Variants in CCDC73 observed in about 807,000 individuals in gnomAD.
CCDC73 encodes the protein coiled-coil domain containing 73, also known as coiled-coil domain-containing protein 73.
A neutral mutation model predicts 116.5 loss-of-function variants in CCDC73; 95 were observed. The observed-to-expected ratio is 0.82, with a 90% CI of 0.69 to 0.97. The LOEUF is 0.97. CCDC73 is among the 50% of genes least tolerant of loss of function. The pLI, the probability that CCDC73 is intolerant of heterozygous loss-of-function variation, is 0.00. For synonymous variants in CCDC73, 398 were observed against 401.3 expected (o/e 0.99, Z 0.10); for missense variants, 1,066 against 1,206.8 (o/e 0.88, Z 1.73).
chr11:32,661,100 G>A (rs1381513569), intron 9 of CCDC73, among the ~76,000 whole-genome samples: 2 of 152,140 alleles, frequency 1.3e-5, no homozygotes, highest in African/African-American at 4.8e-5. Flanking sequence ...TCTGGTTGGA[G>A]AAAGGGGAAG....
chr11:32,705,184 G>A (rs1849845404), intron 3 of CCDC73, among the ~76,000 whole-genome samples: 1 of 152,228 alleles, frequency 6.6e-6, no homozygotes, highest in Non-Finnish European at 1.5e-5. Flanking sequence ...AGGGCAGCAG[G>A]ACTGAAATAG....
In CCDC73 at chr11:32,792,318, G is replaced by A. The variant is rs142487130; in HGVS notation, c.-16+2295C>T. 1.3e-4 allele frequency among the ~76,000 whole-genome samples: 20 copies of A among 152,008 alleles called. No homozygotes were observed. In the East Asian group the frequency reaches 2.9e-3, roughly 22 times the overall value. On this transcript the variant is annotated intron_variant, in intron 1 of 17. Transcript: ENST00000335185. ...AAAAAATAAAATAAAAAACATAAGT[G>A]TACACTGCTTATGGTAAAGGTAAGT...
intron 2 of CCDC73, among the ~76,000 whole-genome samples, chr11:32,739,380 G>A (rs1850163571): frequency 6.6e-6 from 1 of 151,942 alleles, no homozygotes; most frequent in Non-Finnish European, 1.5e-5. Context: ...TTTCACCAAT[G>A]TTTTATAGTT....
chr11:32,759,197 T>G (rs1398197395), intron 2 of CCDC73, among the ~76,000 whole-genome samples: 1 of 152,020 alleles, frequency 6.6e-6, no homozygotes, highest in Non-Finnish European at 1.5e-5. Context: ...TTTTTTTCTC[T>G]CGAGAATCTT....
chr11:32,655,474 AGAC>A, intron 9 of CCDC73, among the ~76,000 whole-genome samples: 1 of 152,366 alleles, frequency 6.6e-6, no homozygotes, highest in Non-Finnish European at 1.5e-5. Flanking sequence ...TTTGCAAAGA[AGAC>A]AACAAAGGGG....
intron 12 of CCDC73, among the ~76,000 whole-genome samples, chr11:32,650,907 A>G (rs1229386685): frequency 6.6e-6 from 1 of 152,226 alleles, no homozygotes; most frequent in Non-Finnish European, 1.5e-5. Flanking sequence ...TAAAGGTACT[A>G]AAATATACAA....
At chr11:32,751,212 T>C (rs1041168294) in intron 2 of CCDC73, among the ~76,000 whole-genome samples, 1 of 152,094 alleles carries the variant, frequency 6.6e-6, no homozygotes, top group Non-Finnish European at 1.5e-5. Flanking sequence ...CTCTTACCTC[T>C]TCCCTCTCCT....
chr11:32,804,266 G>A, the CCDC73 span, among the ~76,000 whole-genome samples: 1 of 152,092 alleles, frequency 6.6e-6, no homozygotes, highest in Non-Finnish European at 1.5e-5. Flanking sequence ...AGCCTCCCGA[G>A]TAGCTGGGAC....
intron 2 of CCDC73, among the ~76,000 whole-genome samples, chr11:32,733,794 C>G (rs966690098): frequency 9.9e-5 from 15 of 152,128 alleles, no homozygotes; most frequent in African/African-American, 3.4e-4. Flanking sequence ...ATTTATAGCA[C>G]TAAATGCCCA....
At chr11:32,815,144 T>C in the CCDC73 span, among the ~76,000 whole-genome samples, 1 of 152,150 alleles carries the variant, frequency 6.6e-6, no homozygotes, top group Non-Finnish European at 1.5e-5. Context: ...AATACTAAAA[T>C]CACTGAATTG....
At chr11:32,654,678 T>G (rs1022107708) in intron 10 of CCDC73, among the ~76,000 whole-genome samples, 166 bp downstream of exon 10, 1 of 152,240 alleles carries the variant, frequency 6.6e-6, no homozygotes, top group Non-Finnish European at 1.5e-5. Flanking sequence ...CAAATCTTAT[T>G]GTCCTAAAGT....
intron 1 of CCDC73, among the ~76,000 whole-genome samples, chr11:32,765,939 C>A (rs927949411): frequency 3.9e-5 from 6 of 152,208 alleles, no homozygotes; most frequent in African/African-American, 1.2e-4. Flanking sequence ...GAGAGAGAAT[C>A]CTCCCTAACT....
intron 3 of CCDC73, among the ~76,000 whole-genome samples, chr11:32,715,238 A>G (rs1849933938): frequency 6.6e-6 from 1 of 151,844 alleles, no homozygotes; most frequent in African/African-American, 2.4e-5. Flanking sequence ...ATTCTTGGCC[A>G]CTCTATGGTG....
chr11:32,667,088 C>T (rs538481107), intron 9 of CCDC73, among the ~76,000 whole-genome samples: 3 of 152,320 alleles, frequency 2.0e-5, no homozygotes, highest in East Asian at 1.9e-4. Context: ...GGTGTGCCCC[C>T]CAGTTAGGCT....
At chr11:32,761,736 CAT>C (rs1850394033) in intron 1 of CCDC73, among the ~76,000 whole-genome samples, 1 of 151,904 alleles carries the variant, frequency 6.6e-6, no homozygotes, top group Non-Finnish European at 1.5e-5. Context: ...GCAAAAGACT[CAT>C]ATGCACATAT....
intron 3 of CCDC73, among the ~76,000 whole-genome samples, chr11:32,714,752 A>G (rs971290824): frequency 2.0e-5 from 3 of 152,122 alleles, no homozygotes; most frequent in African/African-American, 7.2e-5. Flanking sequence ...GACAGCCTCT[A>G]CCCAAGACCT....
intron 2 of CCDC73, among the ~76,000 whole-genome samples, chr11:32,734,155 T>C (rs1042975746): frequency 6.6e-6 from 1 of 152,050 alleles, no homozygotes; most frequent in Non-Finnish European, 1.5e-5. Context: ...TCTACGCAAA[T>C]AAACTAGAAA....
chr11:32,749,563 G>A (rs1850268632), intron 2 of CCDC73, among the ~76,000 whole-genome samples: 1 of 151,998 alleles, frequency 6.6e-6, no homozygotes, highest in African/African-American at 2.4e-5. Context: ...TTTTCTGGAT[G>A]GTCTTGATGC....
At chr11:32,739,050 A>G (rs936222933) in intron 2 of CCDC73, among the ~76,000 whole-genome samples, 1 of 151,968 alleles carries the variant, frequency 6.6e-6, no homozygotes, top group African/African-American at 2.4e-5. Flanking sequence ...GCATTGGTCT[A>G]TGTGTTTGTT....
Sources: gnomAD v4.1 joint callset for allele counts (sites outside exome capture counted in the v4.1 genomes callset) on GRCh38, gnomAD v4.1.1 for gene constraint, MANE v1.5 for transcripts, NCBI Gene and HGNC (gene_info 2026-07-23, HGNC 2026-07-21) for gene names.